Variants in TBC1D19 observed in about 807,000 individuals in gnomAD.
TBC1D19 encodes the protein TBC1 domain family, member 19.
A neutral mutation model predicts 89.0 loss-of-function variants in TBC1D19; 60 were observed. The observed-to-expected ratio is 0.67, with a 90% CI of 0.55 to 0.84. The LOEUF (loss-of-function observed/expected upper bound fraction) is 0.84. TBC1D19 is among the 40% of genes least tolerant of loss of function. The pLI, the probability that TBC1D19 is intolerant of heterozygous loss-of-function variation, is 0.00. For missense variants in TBC1D19, 500 were observed against 610.8 expected (o/e 0.82, Z 1.91); for synonymous variants, 189 against 199.7 (o/e 0.95, Z 0.45).
chr4:26,741,664 C>G (rs1291138723), intron 17 of TBC1D19, among the ~76,000 whole-genome samples: 1 of 150,928 alleles, frequency 6.6e-6, no homozygotes, highest in Non-Finnish European at 1.5e-5. Flanking sequence ...TAAAAACTTA[C>G]GGGCAGTCAC....
chr4:26,652,757 T>C (rs1336856062), intron 7 of TBC1D19, among the ~76,000 whole-genome samples: 1 of 152,212 alleles, frequency 6.6e-6, no homozygotes, highest in Non-Finnish European at 1.5e-5. Context: ...TTCTTCTCTC[T>C]TTTCTTCTTT....
intron 13 of TBC1D19, among the ~76,000 whole-genome samples, chr4:26,714,215 A>G (rs1716404254): frequency 1.3e-5 from 2 of 152,204 alleles, no homozygotes; most frequent in African/African-American, 2.4e-5. Context: ...GCAGCTCTGT[A>G]TATACTGATA....
At chr4:26,695,662 G>A (rs995285988) in intron 13 of TBC1D19, among the ~76,000 whole-genome samples, 14 of 152,212 alleles carry the variant, frequency 9.2e-5, no homozygotes, top group South Asian at 4.2e-4. Flanking sequence ...CGGATCTCTC[G>A]GCAGAAACTC....
chr4:26,732,264 C>G (rs568055195), intron 15 of TBC1D19, among the ~76,000 whole-genome samples: 1 of 152,284 alleles, frequency 6.6e-6, no homozygotes, highest in South Asian at 2.1e-4. Flanking sequence ...TTATGACAAT[C>G]ATCACATGAA....
chr4:26,613,082 C>T, intron 1 of TBC1D19, 87 bp from the exon 2 acceptor site: 2 of 976,712 alleles, frequency 2.0e-6, no homozygotes, highest in African/African-American at 1.7e-5. Flanking sequence ...TAAACATTTC[C>T]TTTGTTCTAA....
chr4:26,684,797 A>G (rs1713667165), intron 12 of TBC1D19, among the ~76,000 whole-genome samples: 1 of 152,010 alleles, frequency 6.6e-6, no homozygotes, highest in Non-Finnish European at 1.5e-5. Context: ...GGCCAGGGGT[A>G]ATAATAACTA....
chr4:26,710,277 C>T (rs1458258784), intron 13 of TBC1D19, among the ~76,000 whole-genome samples: 38 of 151,862 alleles, frequency 2.5e-4, no homozygotes, highest in African/African-American at 8.2e-4. Flanking sequence ...TGAGAACATG[C>T]GGTGTTTGGT....
chr4:26,842,640 C>CTTT, the TBC1D19 span, among the ~76,000 whole-genome samples: 1 of 122,142 alleles, frequency 8.2e-6, no homozygotes. Context: ...TTCTTTCTTT[C>CTTT]TTTCTTTTTC....
chr4:26,799,948 T>TC, the TBC1D19 span, among the ~76,000 whole-genome samples: 4 of 129,356 alleles, frequency 3.1e-5, no homozygotes, highest in Non-Finnish European at 5.3e-5. Context: ...AGAATTCTTT[T>TC]TTTTAAAAAA....
chr4:26,663,902 CAG>C (rs1711558677), intron 8 of TBC1D19, among the ~76,000 whole-genome samples: 1 of 152,184 alleles, frequency 6.6e-6, no homozygotes. Context: ...ACATATTAAA[CAG>C]AAATTCCTTA....
chr4:26,817,982 ATAT>A, the TBC1D19 span, among the ~76,000 whole-genome samples: 356 of 111,266 alleles, frequency 3.2e-3, 1 homozygote, highest in African/African-American at 0.015. Context: ...AAAAAAAAAA[ATAT>A]ATATATATAT....
intron 12 of TBC1D19, among the ~76,000 whole-genome samples, chr4:26,684,051 C>T (rs945854227): frequency 6.6e-6 from 1 of 152,046 alleles, no homozygotes; most frequent in Non-Finnish European, 1.5e-5. Context: ...AGTAAAAAGG[C>T]AACTGAAAAG....
At chr4:26,734,956 GTATA>G (rs1491228271) in intron 15 of TBC1D19, among the ~76,000 whole-genome samples, 5 of 57,692 alleles carry the variant, frequency 8.7e-5, no homozygotes, top group Non-Finnish European at 2.0e-4. Context: ...ATACACATAT[GTATA>G]TGTATATATG....
intron 1 of TBC1D19, among the ~76,000 whole-genome samples, chr4:26,607,731 G>A (rs1407108277): frequency 2.0e-5 from 3 of 152,308 alleles, no homozygotes; most frequent in Non-Finnish European, 2.9e-5. Context: ...ATCCACTACT[G>A]TGCTTCCAGA....
At chr4:26,826,944 T>A in the TBC1D19 span, among the ~76,000 whole-genome samples, 7 of 152,230 alleles carry the variant, frequency 4.6e-5, no homozygotes, top group Non-Finnish European at 8.8e-5. Flanking sequence ...TACTGAGATA[T>A]GAGGCGAGGC....
chr4:26,745,497 C>CTTTTTTTTTT lies in TBC1D19; in HGVS notation c.1320-2895_1320-2886dup, dbSNP rs71186486. On this transcript the variant is annotated intron_variant, in intron 18 of 20. Coordinates refer to ENST00000264866, the MANE Select transcript of TBC1D19 (RefSeq NM_018317.4). ...GTGCCATGAGGTTTACAATATACTTCTTTTTTTTTTTTTTTTTTTTTTTTT... is the reference window on the plus strand; with the variant it reads ...GTGCCATGAGGTTTACAATATACTTCTTTTTTTTTTTTTTTTTTTTTTTTTTTTTTTTTTT... Among the ~76,000 whole-genome samples the CTTTTTTTTTT allele has an allele frequency of 2.2e-4, 9 of 40,600 alleles. 2 individuals carry two copies. Among genetic ancestry groups the CTTTTTTTTTT allele is most frequent in the East Asian group, 1.0e-3 (1 of 982 alleles). 26.6% of individuals were successfully genotyped at this position (40,600 alleles called of 152,430 possible).
chr4:26,640,965 G>A (rs1553902104), intron 7 of TBC1D19, among the ~76,000 whole-genome samples: 1 of 152,214 alleles, frequency 6.6e-6, no homozygotes, highest in Non-Finnish European at 1.5e-5. Context: ...CCATCTCTGG[G>A]GGCAGGGCAT....
chr4:26,805,488 G>A, the TBC1D19 span, among the ~76,000 whole-genome samples: 12 of 152,158 alleles, frequency 7.9e-5, no homozygotes, highest in Admixed American at 1.3e-4. Context: ...TCCTCAGGCC[G>A]TGCCTCTTGC....
At chr4:26,823,246 C>A in the TBC1D19 span, among the ~76,000 whole-genome samples, 1 of 152,124 alleles carries the variant, frequency 6.6e-6, no homozygotes, top group Middle Eastern at 3.2e-3. Flanking sequence ...ATTGCAAGAA[C>A]AGCGGGAAAG....
Sources: allele counts gnomAD v4.1 joint callset (sites outside exome capture counted in the v4.1 genomes callset), GRCh38; gene constraint gnomAD v4.1.1; transcripts MANE v1.5; gene names NCBI Gene and HGNC (gene_info 2026-07-23, HGNC 2026-07-21).